SHOC1: variants seen among roughly 807,000 people sequenced by gnomAD.
SHOC1 encodes the protein protein shortage in chiasmata 1 ortholog.
SHOC1 carries 136 observed loss-of-function variants against 179.2 expected under a neutral mutation model. The observed-to-expected ratio is 0.76, with a 90% CI of 0.66 to 0.87. The LOEUF is 0.87. Among genes scored for constraint, SHOC1 ranks in the 40% least tolerant of loss-of-function variants. The pLI, the probability that SHOC1 is intolerant of heterozygous loss-of-function variation, is 0.00. For synonymous variants in SHOC1, 489 were observed against 586.6 expected, an observed-to-expected ratio of 0.83 and a Z score of 2.41; for missense variants, 1,538 against 1,700.8, an observed-to-expected ratio of 0.90 and a Z score of 1.68.
At chr9:111,732,136 T>G (rs1052965317) in intron 12 of SHOC1, among the ~76,000 whole-genome samples, 1 of 152,194 alleles carries the variant, frequency 6.6e-6, no homozygotes, top group Non-Finnish European at 1.5e-5. Context: ...TTTAAAACAC[T>G]GCCAATACCA....
intron 8 of SHOC1, among the ~76,000 whole-genome samples, chr9:111,752,792 T>C (rs942784292): frequency 2.0e-5 from 3 of 152,142 alleles, no homozygotes; most frequent in Non-Finnish European, 4.4e-5. Context: ...TTTAAAACAA[T>C]ATCTGAAGTA....
chr9:111,749,218 GTTTC>G (rs899451734), intron 8 of SHOC1, among the ~76,000 whole-genome samples: 2 of 151,992 alleles, frequency 1.3e-5, no homozygotes, highest in African/African-American at 2.4e-5. Flanking sequence ...CATTTAGAAT[GTTTC>G]TTTCTTCCCT....
chr9:111,757,247 C>T (rs1834907022), intron 7 of SHOC1, among the ~76,000 whole-genome samples: 1 of 152,184 alleles, frequency 6.6e-6, no homozygotes, highest in South Asian at 2.1e-4. Context: ...GGACTACAGG[C>T]GCCCACCACT....
At chr9:111,790,120 CT>C (rs1310848612) in intron 2 of SHOC1, among the ~76,000 whole-genome samples, 1 of 152,196 alleles carries the variant, frequency 6.6e-6, no homozygotes, top group Admixed American at 6.5e-5. Context: ...ATTATAAAAG[CT>C]ATTTAACTTA....
At chr9:111,776,287 G>T (rs12347237) in intron 4 of SHOC1, among the ~76,000 whole-genome samples, 8,719 of 152,136 alleles carry the variant, frequency 0.057, 612 homozygotes, top group African/African-American at 0.17. Flanking sequence ...GATAAACAGG[G>T]TATCAGTAAA....
rs554791560 is a variant in SHOC1 at position 111,740,936 on chromosome 9, G to T, written c.1174+540C>A. Among the ~76,000 whole-genome samples the T allele has an allele frequency of 2.0e-5, 3 of 152,232 alleles. No homozygotes were observed. The East Asian group carries it at 5.8e-4, about 29-fold the overall frequency. On this transcript the variant is annotated intron_variant, in intron 11 of 27. Coordinates refer to ENST00000682961, the MANE Select transcript of SHOC1 (RefSeq NM_001378211.1). ...AGAGACTTGCTCCTTCACGTAGGCT[G>T]GAGCGCAATGGCGCCATCTCGGCTC...
At chr9:111,753,923 GTATACAC>G (rs1478094416) in intron 8 of SHOC1, among the ~76,000 whole-genome samples, 1 of 152,020 alleles carries the variant, frequency 6.6e-6, no homozygotes, top group Non-Finnish European at 1.5e-5. Flanking sequence ...TGGTTAAAGG[GTATACAC>G]TTTCTATTAT....
chr9:111,740,173 A>C (rs1020562247), intron 11 of SHOC1, among the ~76,000 whole-genome samples: 1 of 152,074 alleles, frequency 6.6e-6, no homozygotes, highest in African/African-American at 2.4e-5. Flanking sequence ...TTACTTTTGT[A>C]TGCTCTTATT....
At chr9:111,757,401 C>CA (rs1432580128) in intron 7 of SHOC1, among the ~76,000 whole-genome samples, 1 of 152,046 alleles carries the variant, frequency 6.6e-6, no homozygotes, top group Non-Finnish European at 1.5e-5. Flanking sequence ...CGCGCCCGGC[C>CA]AAAAAATGTT....
At chr9:111,789,365 TTAC>T (rs1836373411) in intron 2 of SHOC1, among the ~76,000 whole-genome samples, 1 of 152,218 alleles carries the variant, frequency 6.6e-6, no homozygotes, top group Non-Finnish European at 1.5e-5. Context: ...GTTATAAATA[TTAC>T]TTTTTGTTAT....
intron 9 of SHOC1, 93 bp downstream of exon 9, chr9:111,747,999 G>T: frequency 2.7e-6 from 2 of 738,680 alleles, no homozygotes; most frequent in South Asian, 2.0e-5. Flanking sequence ...CATGGAAACT[G>T]ACTCACAGTA....
chr9:111,751,537 A>C (rs1488098354), intron 8 of SHOC1, among the ~76,000 whole-genome samples: 1 of 152,206 alleles, frequency 6.6e-6, no homozygotes, highest in East Asian at 1.9e-4. Flanking sequence ...CAATTAAAAA[A>C]GGCTACGTCT....
intron 15 of SHOC1, among the ~76,000 whole-genome samples, chr9:111,722,048 A>G (rs1833076616): frequency 6.6e-6 from 1 of 152,230 alleles, no homozygotes; most frequent in African/African-American, 2.4e-5. Flanking sequence ...ATCTTGGCAG[A>G]AATAAAAAGT....
chr9:111,706,625 C>CTTTG lies in SHOC1; in HGVS notation c.2676_2679dup (p.Glu894GlnfsTer11). 1 of 1,605,620 alleles carries CTTTG rather than the reference C, an allele frequency of 6.2e-7. No homozygotes were observed. ...AAGGCCATGTAAGGAATATTCAACT[C>CTTTG]TTTGCAGTGTTTAGTCCAACAAGAG... On this transcript the variant is annotated frameshift_variant, in exon 20 of 28. Coordinates refer to ENST00000682961, the MANE Select transcript of SHOC1 (RefSeq NM_001378211.1). LOFTEE classifies it high-confidence loss of function.
rs113098492 is a variant in SHOC1, at chr9:111,776,002, T to A, written c.258-27A>T. ...TGTGACAATATAAAATTACTAATGT[T>A]ATGTATGTCCTATTTTAAAACACTT... On this transcript the variant is annotated intron_variant, in intron 4 of 27. Transcript: ENST00000682961. The A allele has an allele frequency of 8.0e-5, 125 of 1,566,928 alleles. 1 individual carries two copies. The African/African-American group carries it at 1.4e-3, about 18-fold the overall frequency.
Position 111,699,008 on chromosome 9 carries a change from A to AG in SHOC1, c.3183+945dup, listed in dbSNP as rs1251726680. The stretch of plus-strand genomic sequence containing the variant: ...TGCTAGGTTCCAGGAATAAAAAAAA[A>AG]GAATAAATATGTTTCCTTACCTTTA... On this transcript the variant is annotated intron_variant, in intron 24 of 27. Transcript: ENST00000682961. 7.9e-5 allele frequency among the ~76,000 whole-genome samples: 12 copies of AG among 152,324 alleles called. No homozygotes were observed. In the South Asian group the frequency reaches 8.3e-4, roughly 11 times the overall value.
At chr9:111,741,718 C>T (rs1834050291) in intron 10 of SHOC1, 148 bp from the exon 11 acceptor site, 3 of 375,346 alleles carry the variant, frequency 8.0e-6, no homozygotes, top group Admixed American at 9.0e-5. Flanking sequence ...ACTGCAACCT[C>T]CGCCCCAGAT....
chr9:111,742,430 A>G (rs184926432), intron 10 of SHOC1, among the ~76,000 whole-genome samples: 57 of 151,758 alleles, frequency 3.8e-4, no homozygotes, highest in African/African-American at 1.1e-3. Context: ...AAGACCTTCA[A>G]TCTTGGTGGG....
rs142051677 is a variant in SHOC1 at position 111,738,494 on chromosome 9, T to C, written c.1203A>G (p.Gln401=). Residue 401 remains glutamine, a synonymous_variant, in exon 12 of 28, where the codon CAA becomes CAG. Coordinates refer to ENST00000682961, the MANE Select transcript of SHOC1 (RefSeq NM_001378211.1). ...TCTTTTTCAAATCTGTAACTGAATA[T>C]TGGCTGTGGGGCTCTTGAATTCTTG... The part of the protein sequence containing the change: ...TVPRIQEPHS[Q]YSVTDLKKIF... 1.4e-5 allele frequency: 23 copies of C among 1,589,630 alleles called. No homozygotes were observed. In the African/African-American group the frequency reaches 3.0e-4, roughly 21 times the overall value.
Sources: allele counts gnomAD v4.1 joint callset (sites outside exome capture counted in the v4.1 genomes callset), GRCh38; gene constraint gnomAD v4.1.1; transcripts MANE v1.5; gene names NCBI Gene and HGNC (gene_info 2026-07-23, HGNC 2026-07-21).